NR2C2: variants seen among roughly 807,000 people sequenced by gnomAD.
NR2C2 encodes the protein nuclear receptor subfamily 2 group C member 2.
Under a neutral mutation model 62.9 loss-of-function variants are expected in NR2C2, and 6 were observed. The observed-to-expected ratio is 0.10, with a 90% CI of 0.05 to 0.19. The LOEUF (loss-of-function observed/expected upper bound fraction) is 0.19. NR2C2 is among the 10% of genes least tolerant of loss of function. The pLI, the probability that NR2C2 is intolerant of heterozygous loss-of-function variation, is 1.00. For missense variants in NR2C2, 479 were observed against 762.7 expected (o/e 0.63, Z 4.38); for synonymous variants, 272 against 273.8 (o/e 0.99, Z 0.07).
chr3:14,995,401 TA>T (rs143118958), intron 1 of NR2C2, among the ~76,000 whole-genome samples: 2,240 of 152,084 alleles, frequency 0.015, 57 homozygotes, highest in African/African-American at 0.051. Flanking sequence ...TCTATCTTTA[TA>T]TTTGTTCTGG....
intron 1 of NR2C2, among the ~76,000 whole-genome samples, chr3:15,002,542 G>C (rs529117432): frequency 6.7e-6 from 1 of 150,152 alleles, no homozygotes; most frequent in Non-Finnish European, 1.5e-5. Flanking sequence ...TTCTTTTCCT[G>C]TGATGTCTTT....
intron 13 of NR2C2, chr3:15,042,567 GT>G (rs1292242964): frequency 4.8e-5 from 16 of 335,976 alleles, no homozygotes; most frequent in Non-Finnish European, 8.1e-5. Flanking sequence ...GAATTTCCAG[GT>G]TTTCTCTTGG....
chr3:15,001,318 G>GTTTTTTTTTTTTTTTTTTTTGTTT (rs2040991526), intron 1 of NR2C2, among the ~76,000 whole-genome samples: 3 of 97,482 alleles, frequency 3.1e-5, no homozygotes, highest in Non-Finnish European at 6.2e-5. Context: ...TTTGTTTTGG[G>GTTTTTTTTTTTTTTTTTTTTGTTT]TTTTTTTTTT....
intron 13 of NR2C2, among the ~76,000 whole-genome samples, chr3:15,041,892 C>T (rs1228289050): frequency 6.6e-6 from 1 of 152,082 alleles, no homozygotes; most frequent in Admixed American, 6.6e-5. Context: ...GTCCAGATAC[C>T]TACTATTAAC....
At chr3:15,028,494 G>C in intron 7 of NR2C2, 92 bp from the exon 8 acceptor site, 6 of 1,256,424 alleles carry the variant, frequency 4.8e-6, no homozygotes, top group Non-Finnish European at 6.7e-6. Flanking sequence ...TCTCCTCGAA[G>C]CTGTTTTTGA....
chr3:15,031,366 C>G (rs187038524), intron 9 of NR2C2, among the ~76,000 whole-genome samples: 1 of 128,556 alleles, frequency 7.8e-6, no homozygotes, highest in African/African-American at 3.8e-5. Flanking sequence ...CCTTTTCCCC[C>G]AGTATTTTTT....
At chr3:15,006,260 GTAAAAGATT>G (rs1355885749) in intron 2 of NR2C2, among the ~76,000 whole-genome samples, 3 of 152,026 alleles carry the variant, frequency 2.0e-5, no homozygotes, top group Non-Finnish European at 4.4e-5. Flanking sequence ...TTATACTTAA[GTAAAAGATT>G]TATTTACCAT....
At chr3:14,987,931 T>C (rs1365848343) in intron 1 of NR2C2, among the ~76,000 whole-genome samples, 1 of 152,256 alleles carries the variant, frequency 6.6e-6, no homozygotes, top group African/African-American at 2.4e-5. Flanking sequence ...GGTTGCCACA[T>C]AACCTGCTTT....
At chr3:15,007,692 A>G (rs2041225323) in intron 2 of NR2C2, among the ~76,000 whole-genome samples, 1 of 152,172 alleles carries the variant, frequency 6.6e-6, no homozygotes. Flanking sequence ...CCATGGTAAA[A>G]AGTCTTGACT....
At chr3:14,973,607 G>T (rs192575857) in intron 1 of NR2C2, among the ~76,000 whole-genome samples, 9,466 of 151,874 alleles carry the variant, frequency 0.062, 371 homozygotes, top group East Asian at 0.13. Flanking sequence ...CCAGTTATAC[G>T]GTATTGTATA....
At chr3:15,026,397 A>G (rs1363738153) in intron 7 of NR2C2, 1 of 152,202 alleles carries the variant, frequency 6.6e-6, no homozygotes, top group Non-Finnish European at 1.5e-5. Flanking sequence ...GGTTTTTGGT[A>G]TATTTACAAG....
intron 1 of NR2C2, among the ~76,000 whole-genome samples, chr3:14,984,325 T>C (rs2040456214): frequency 6.6e-6 from 1 of 152,224 alleles, no homozygotes; most frequent in South Asian, 2.1e-4. Flanking sequence ...GTCTTTATTA[T>C]TTTCTTCCTT....
intron 2 of NR2C2, among the ~76,000 whole-genome samples, chr3:15,011,592 T>A (rs2041354687): frequency 6.6e-6 from 1 of 152,220 alleles, no homozygotes; most frequent in Non-Finnish European, 1.5e-5. Flanking sequence ...TGCCACAGAT[T>A]GTAATGATGA....
chr3:15,012,330 A>G (rs1043923803), intron 2 of NR2C2, among the ~76,000 whole-genome samples: 2 of 151,580 alleles, frequency 1.3e-5, no homozygotes, highest in Non-Finnish European at 2.9e-5. Context: ...AGTTCAAGCG[A>G]TTCTCGTGTC....
Position 15,038,226 on chromosome 3 carries a change from A to G in NR2C2, c.1510+89A>G, listed in dbSNP as rs2042157897. ...GAACATGTTGTCATCATTGGTGTAGAAAGAGCCCTGCAGATTGTATGTGAC... is the reference window on the plus strand; with the variant it reads ...GAACATGTTGTCATCATTGGTGTAGGAAGAGCCCTGCAGATTGTATGTGAC... On this transcript the variant is annotated intron_variant, in intron 12 of 13. Transcript: ENST00000425241. The G allele has an allele frequency of 3.6e-6, 5 of 1,373,288 alleles. No individual in the cohort carries two copies. In the South Asian group the frequency reaches 5.8e-5, roughly 16 times the overall value. 85.1% of individuals were successfully genotyped at this position (1,373,288 alleles called of 1,614,324 possible). A position where few individuals can be genotyped will look rare whatever the true frequency, so the allele number is the denominator to read the frequency against.
chr3:14,951,595 C>T (rs2039358512), intron 1 of NR2C2, among the ~76,000 whole-genome samples: 1 of 152,026 alleles, frequency 6.6e-6, no homozygotes, highest in African/African-American at 2.4e-5. Flanking sequence ...TTTAGTAAAA[C>T]AGCTATATGT....
chr3:15,024,663 T>A (rs577545360), intron 7 of NR2C2, among the ~76,000 whole-genome samples: 1 of 152,300 alleles, frequency 6.6e-6, no homozygotes, highest in East Asian at 1.9e-4. Context: ...GGATTTAACT[T>A]GTGGACAGAG....
chr3:15,024,196 C>T lies in NR2C2; in HGVS notation c.786C>T (p.Ala262=), dbSNP rs1267057856. The T allele has an allele frequency of 1.9e-6, 3 of 1,608,196 alleles. No individual in the cohort carries two copies. The highest frequency in any genetic ancestry group is 2.7e-5 in the African/African-American group (2 of 74,526). Residue 262 remains alanine, a synonymous_variant, in exon 7 of 14, where the codon GCC becomes GCT. Transcript: ENST00000425241. ...GTGAGGATGGTACAGTTCTCCTGGC[C>T]ACGGATTCTAAGGTGACGTTCTCTA... ...LIREDGTVLL[A]TDSKAETSQG...
chr3:15,007,690 A>T (rs2041225232), intron 2 of NR2C2, among the ~76,000 whole-genome samples: 1 of 152,178 alleles, frequency 6.6e-6, no homozygotes, highest in Non-Finnish European at 1.5e-5. Context: ...AGCCATGGTA[A>T]AAAGTCTTGA....
Sources: allele counts gnomAD v4.1 joint callset (sites outside exome capture counted in the v4.1 genomes callset), GRCh38; gene constraint gnomAD v4.1.1; transcripts MANE v1.5; gene names NCBI Gene and HGNC (gene_info 2026-07-23, HGNC 2026-07-21).